Variants in SPMAP2L observed in about 807,000 individuals in gnomAD.
The protein encoded by SPMAP2L is sperm microtubule associated protein 2 like.
chr4:56,543,607 A>G, the SPMAP2L span, among the ~76,000 whole-genome samples: 9 of 152,126 alleles, frequency 5.9e-5, no homozygotes, highest in Non-Finnish European at 1.3e-4. Flanking sequence ...CACAAGAATC[A>G]CTTGAACCCG....
At chr4:56,610,924 T>A in the SPMAP2L span, among the ~76,000 whole-genome samples, 2 of 151,990 alleles carry the variant, frequency 1.3e-5, no homozygotes, top group Admixed American at 1.3e-4. Flanking sequence ...AGGATGGCCA[T>A]AATAAGAAAA....
chr4:56,537,922 T>C, the SPMAP2L span, among the ~76,000 whole-genome samples: 2 of 152,152 alleles, frequency 1.3e-5, no homozygotes, highest in Admixed American at 6.5e-5. Flanking sequence ...CTTGATCTCC[T>C]GACCTTGTGA....
the SPMAP2L span, among the ~76,000 whole-genome samples, chr4:56,597,076 G>T: frequency 6.6e-6 from 1 of 152,198 alleles, no homozygotes; most frequent in Non-Finnish European, 1.5e-5. Context: ...TGACTGTGGG[G>T]CAGGGTGGTA....
the SPMAP2L span, among the ~76,000 whole-genome samples, chr4:56,589,312 A>T: frequency 2.0e-5 from 3 of 152,068 alleles, no homozygotes; most frequent in Non-Finnish European, 4.4e-5. Context: ...TTATACCAGC[A>T]CCGTACTGTT....
the SPMAP2L span, among the ~76,000 whole-genome samples, chr4:56,574,917 G>A: frequency 2.0e-5 from 3 of 151,860 alleles, no homozygotes; most frequent in Non-Finnish European, 4.4e-5. Flanking sequence ...AGGAGGTTGA[G>A]GCTGCAGTGA....
the SPMAP2L span, among the ~76,000 whole-genome samples, chr4:56,557,273 A>G: frequency 1.3e-5 from 2 of 149,166 alleles, no homozygotes; most frequent in East Asian, 3.9e-4. Context: ...AAAAAAAAAG[A>G]AAAGAAAAGA....
the SPMAP2L span, among the ~76,000 whole-genome samples, chr4:56,602,536 T>C: frequency 6.6e-6 from 1 of 151,952 alleles, no homozygotes; most frequent in East Asian, 1.9e-4. Flanking sequence ...GTACTAAAAA[T>C]ACAAAAAAGT....
chr4:56,597,417 C>T, the SPMAP2L span, among the ~76,000 whole-genome samples: 4 of 152,122 alleles, frequency 2.6e-5, no homozygotes, highest in African/African-American at 9.7e-5. Context: ...AATTGCAGTG[C>T]CAACTTGGTG....
chr4:56,541,807 A>ATTCT, the SPMAP2L span, among the ~76,000 whole-genome samples: 12 of 152,232 alleles, frequency 7.9e-5, no homozygotes, highest in East Asian at 1.9e-3. Flanking sequence ...ATTTACAATT[A>ATTCT]TTCTTTCTTT....
the SPMAP2L span, among the ~76,000 whole-genome samples, chr4:56,599,197 T>A: frequency 1.3e-5 from 2 of 152,006 alleles, no homozygotes; most frequent in Admixed American, 1.3e-4. Flanking sequence ...ATTATTATTA[T>A]TTTGAAACAG....
chr4:56,571,166 T>C, the SPMAP2L span, among the ~76,000 whole-genome samples: 1 of 151,546 alleles, frequency 6.6e-6, no homozygotes, highest in Non-Finnish European at 1.5e-5. Flanking sequence ...TATTTTATAA[T>C]AACACTTAGC....
At chr4:56,610,406 G>C in the SPMAP2L span, among the ~76,000 whole-genome samples, 1 of 152,204 alleles carries the variant, frequency 6.6e-6, no homozygotes, top group Admixed American at 6.5e-5. Flanking sequence ...GTAGAAGAAT[G>C]AAACTGGATC....
chr4:56,578,555 A>C, the SPMAP2L span, among the ~76,000 whole-genome samples: 1 of 152,172 alleles, frequency 6.6e-6, no homozygotes, highest in Admixed American at 6.5e-5. Context: ...AAAAGACAGG[A>C]TAAAAAATGG....
chr4:56,591,052 T>A, the SPMAP2L span, among the ~76,000 whole-genome samples: 1 of 152,198 alleles, frequency 6.6e-6, no homozygotes, highest in Non-Finnish European at 1.5e-5. Context: ...TGATTCAATA[T>A]GTTATGGTTT....
At chr4:56,534,647 C>G in the SPMAP2L span, among the ~76,000 whole-genome samples, 29 of 152,312 alleles carry the variant, frequency 1.9e-4, 1 homozygote, top group African/African-American at 6.7e-4. Context: ...ATAAGGTGGG[C>G]TGGGTGCAGT....
At chr4:56,537,753 CG>C in the SPMAP2L span, among the ~76,000 whole-genome samples, 1 of 151,624 alleles carries the variant, frequency 6.6e-6, no homozygotes, top group African/African-American at 2.4e-5. Flanking sequence ...TGCAGTGGCG[CG>C]CGATCTCGGC....
chr4:56,625,314 T>C, the SPMAP2L span, among the ~76,000 whole-genome samples: 1 of 152,174 alleles, frequency 6.6e-6, no homozygotes, highest in African/African-American at 2.4e-5. Context: ...GGAAGGGATT[T>C]GCCTTGTTTC....
chr4:56,598,706 A>T, the SPMAP2L span, among the ~76,000 whole-genome samples: 4 of 151,200 alleles, frequency 2.6e-5, no homozygotes, highest in Non-Finnish European at 5.9e-5. Context: ...GGGGAGGAAG[A>T]TGAGGTCAGA....
At chr4:56,594,239 T>C in the SPMAP2L span, 1 of 1,600,310 alleles carries the variant, frequency 6.2e-7, no homozygotes, top group Non-Finnish European at 8.6e-7. Flanking sequence ...GTTCAACAGC[T>C]ACCACTCTGA....
Sources: allele counts gnomAD v4.1 joint callset (sites outside exome capture counted in the v4.1 genomes callset), GRCh38; gene constraint gnomAD v4.1.1; transcripts MANE v1.5; gene names NCBI Gene and HGNC (gene_info 2026-07-23, HGNC 2026-07-21).